The following SLC35F3 variants were observed in gnomAD, a reference collection of about 807,000 sequenced individuals.
The protein encoded by SLC35F3 is solute carrier family 35 member F3.
SLC35F3 carries 25 observed loss-of-function variants against 49.9 expected under a neutral mutation model. That is an observed-to-expected ratio of 0.50 (90% CI 0.37 to 0.70). SLC35F3 has a LOEUF of 0.70. Ranked by LOEUF, SLC35F3 falls within the 30% of genes least tolerant of loss-of-function variation. The pLI, the probability that SLC35F3 is intolerant of heterozygous loss-of-function variation, is 0.00. For missense variants in SLC35F3, 525 were observed against 639.8 expected (o/e 0.82, Z 1.94); for synonymous variants, 275 against 265.4 (o/e 1.04, Z -0.35).
chr1:234,317,384 C>T (rs143091690), intron 5 of SLC35F3, among the ~76,000 whole-genome samples: 1 of 151,360 alleles, frequency 6.6e-6, no homozygotes, highest in East Asian at 2.0e-4. Flanking sequence ...TGCTCTCCCC[C>T]CTCACTTCCC....
chr1:234,009,567 C>T (rs1663682831), intron 2 of SLC35F3, among the ~76,000 whole-genome samples: 1 of 152,144 alleles, frequency 6.6e-6, no homozygotes, highest in Non-Finnish European at 1.5e-5. Flanking sequence ...TTATAATGTA[C>T]CTCCCAACCA....
intron 2 of SLC35F3, among the ~76,000 whole-genome samples, chr1:234,001,069 G>A (rs1663546295): frequency 1.3e-5 from 2 of 152,186 alleles, no homozygotes. Flanking sequence ...GGGCAGTTTG[G>A]CCTGTAACGT....
intron 2 of SLC35F3, among the ~76,000 whole-genome samples, chr1:234,007,934 G>A (rs1373688341): frequency 2.6e-5 from 4 of 152,114 alleles, no homozygotes; most frequent in Non-Finnish European, 4.4e-5. Context: ...GTGATGGGTG[G>A]CATAGAGGAA....
At chr1:234,087,143 C>T (rs529461350) in intron 2 of SLC35F3, among the ~76,000 whole-genome samples, 34 of 152,300 alleles carry the variant, frequency 2.2e-4, no homozygotes, top group Non-Finnish European at 3.7e-4. Flanking sequence ...ATACCCCCAC[C>T]ACCACTGCTT....
rs896888477 is a variant in SLC35F3 at position 233,957,879 on chromosome 1, T to A, written c.283+52121T>A. ...GTTTTATGAGATGGCTGGGCTCAGCTGGGCAGCTCTTCTGCTGGTAGTTCT... is the reference window on the plus strand; with the variant it reads ...GTTTTATGAGATGGCTGGGCTCAGCAGGGCAGCTCTTCTGCTGGTAGTTCT... On this transcript the variant is annotated intron_variant, in intron 2 of 7. Transcript: ENST00000366618. This position sits in a 1 kb window ranked among gnomAD's most constrained non-coding sequence, Gnocchi z 4.0. Among the ~76,000 whole-genome samples, 3 of 152,226 alleles carry A rather than the reference T, an allele frequency of 2.0e-5. No homozygotes were observed. The highest frequency in any genetic ancestry group is 7.2e-5 in the African/African-American group (3 of 41,466).
intron 2 of SLC35F3, among the ~76,000 whole-genome samples, chr1:233,920,151 T>C (rs1468913200): frequency 1.3e-5 from 2 of 152,176 alleles, no homozygotes; most frequent in Non-Finnish European, 1.5e-5. Context: ...TTGGAGGCAA[T>C]ATTGTAAGTT....
chr1:234,200,141 C>T (rs1311890824), intron 2 of SLC35F3, among the ~76,000 whole-genome samples: 9 of 152,144 alleles, frequency 5.9e-5, no homozygotes, highest in Middle Eastern at 3.4e-3. Context: ...GGGTATAGAG[C>T]CAAAGGAATT....
chr1:234,252,330 A>G (rs912325549), intron 3 of SLC35F3, among the ~76,000 whole-genome samples: 1 of 152,204 alleles, frequency 6.6e-6, no homozygotes, highest in African/African-American at 2.4e-5. Context: ...TCAGCCTTCC[A>G]AAGTGCTGGG....
intron 2 of SLC35F3, among the ~76,000 whole-genome samples, chr1:234,205,778 G>A (rs1249335975): frequency 6.6e-6 from 1 of 152,216 alleles, no homozygotes; most frequent in Non-Finnish European, 1.5e-5. Context: ...CCTCAGGAAA[G>A]CAAACAGAGC....
At chr1:234,164,216 T>C (rs1358512425) in intron 2 of SLC35F3, among the ~76,000 whole-genome samples, 1 of 151,830 alleles carries the variant, frequency 6.6e-6, no homozygotes. Flanking sequence ...TTTCTATCTA[T>C]TTCTTTATCT....
intron 2 of SLC35F3, among the ~76,000 whole-genome samples, chr1:234,123,970 T>C (rs935959293): frequency 6.6e-6 from 1 of 152,186 alleles, no homozygotes; most frequent in Non-Finnish European, 1.5e-5. Flanking sequence ...TCAGTCCCCA[T>C]AATGCTCACT....
At chr1:234,256,593 G>A (rs913534220) in intron 3 of SLC35F3, among the ~76,000 whole-genome samples, 8 of 152,308 alleles carry the variant, frequency 5.3e-5, no homozygotes, top group East Asian at 1.9e-4. Flanking sequence ...TGACCACGGA[G>A]TGGTTCTGGC....
intron 2 of SLC35F3, among the ~76,000 whole-genome samples, chr1:234,155,393 C>CTGACGATGATGATGATGA (rs1553310138): frequency 3.0e-5 from 3 of 99,606 alleles, no homozygotes; most frequent in African/African-American, 1.5e-4. Flanking sequence ...TGCTATTCAC[C>CTGACGATGATGATGATGA]TGATTATTAT....
chr1:234,153,320 A>G (rs547985535), intron 2 of SLC35F3, among the ~76,000 whole-genome samples: 1 of 152,322 alleles, frequency 6.6e-6, no homozygotes, highest in South Asian at 2.1e-4. Flanking sequence ...CAGCCCAGTG[A>G]TAAAAATGGA....
intron 3 of SLC35F3, among the ~76,000 whole-genome samples, chr1:234,297,157 G>C (rs912272611): frequency 6.6e-6 from 1 of 152,186 alleles, no homozygotes; most frequent in Non-Finnish European, 1.5e-5. Flanking sequence ...GACAACAAGT[G>C]TTAGTGATAA....
chr1:234,118,877 T>C (rs1347019238), intron 2 of SLC35F3, among the ~76,000 whole-genome samples: 8 of 146,286 alleles, frequency 5.5e-5, no homozygotes, highest in Non-Finnish European at 5.9e-5. Flanking sequence ...TTTTTCTTTT[T>C]TTCTTTTCTT....
chr1:234,060,571 C>T (rs1057058568), intron 2 of SLC35F3, among the ~76,000 whole-genome samples: 4 of 152,094 alleles, frequency 2.6e-5, no homozygotes, highest in African/African-American at 7.2e-5. Context: ...CTCAGCCTCC[C>T]GAATAGCTGG....
At chr1:234,208,098 G>A (rs920503738) in intron 2 of SLC35F3, among the ~76,000 whole-genome samples, 4 of 152,222 alleles carry the variant, frequency 2.6e-5, no homozygotes, top group Non-Finnish European at 5.9e-5. Flanking sequence ...AGGAAACTGA[G>A]GCCAGAGGAG....
chr1:234,320,746 C>G lies in SLC35F3; in HGVS notation c.1237+559C>G, dbSNP rs1273514172. ...CTTTGCCCAGGAACTCGGGACTGCC[C>G]TTTGTTTTCCCCTGGGGACTCGTTG... On this transcript the variant is annotated intron_variant, in intron 7 of 7. Coordinates refer to ENST00000366618, the MANE Select transcript of SLC35F3 (RefSeq NM_173508.4). The surrounding 1 kb of genome is among the most constrained non-coding windows in gnomAD (Gnocchi z 4.8). Among the ~76,000 whole-genome samples, 1 of 152,176 alleles carries G rather than the reference C, an allele frequency of 6.6e-6. No individual in the cohort carries two copies. Among genetic ancestry groups the G allele is most frequent in the Non-Finnish European group, 1.5e-5 (1 of 68,036 alleles).
Sources: allele counts gnomAD v4.1 joint callset (sites outside exome capture counted in the v4.1 genomes callset), GRCh38; gene constraint gnomAD v4.1.1; non-coding constraint Gnocchi (gnomAD v3.1); transcripts MANE v1.5; gene names NCBI Gene and HGNC (gene_info 2026-07-23, HGNC 2026-07-21).